The following CSNK2A2IP variants were observed in gnomAD, a reference collection of about 807,000 sequenced individuals.
The protein encoded by CSNK2A2IP is casein kinase 2 subunit alpha' interacting protein, also known as casein kinase II subunit alpha'-interacting protein.
At chr3:88,358,019 G>GTGT in the CSNK2A2IP span, among the ~76,000 whole-genome samples, 1 of 152,046 alleles carries the variant, frequency 6.6e-6, no homozygotes, top group Non-Finnish European at 1.5e-5. Flanking sequence ...CAGTCCATCA[G>GTGT]TGTTTTATAA....
At chr3:88,407,993 G>A in the CSNK2A2IP span, among the ~76,000 whole-genome samples, 4 of 152,000 alleles carry the variant, frequency 2.6e-5, no homozygotes, top group African/African-American at 9.7e-5. Context: ...AAAGTGCTAG[G>A]ATTACAGGCA....
the CSNK2A2IP span, among the ~76,000 whole-genome samples, chr3:88,358,928 T>C: frequency 8.5e-5 from 13 of 152,104 alleles, no homozygotes; most frequent in African/African-American, 2.6e-4. Flanking sequence ...CTTTAAACGT[T>C]GGTAGAATTC....
At chr3:88,430,776 G>GA in the CSNK2A2IP span, among the ~76,000 whole-genome samples, 130 of 150,508 alleles carry the variant, frequency 8.6e-4, 1 homozygote, top group East Asian at 8.5e-3. Flanking sequence ...AAACAACATG[G>GA]AAAAAAAAAC....
At chr3:88,404,172 G>T in the CSNK2A2IP span, among the ~76,000 whole-genome samples, 1 of 152,088 alleles carries the variant, frequency 6.6e-6, no homozygotes, top group Non-Finnish European at 1.5e-5. Flanking sequence ...ATAGTTTTGG[G>T]GAAGAAGCCC....
At chr3:88,434,571 T>C in the CSNK2A2IP span, among the ~76,000 whole-genome samples, 12 of 152,056 alleles carry the variant, frequency 7.9e-5, no homozygotes, top group Non-Finnish European at 1.6e-4. Flanking sequence ...CGACCAAGCA[T>C]CTTCTCTTAA....
the CSNK2A2IP span, among the ~76,000 whole-genome samples, chr3:88,417,367 T>C: frequency 6.6e-6 from 1 of 152,128 alleles, no homozygotes; most frequent in Non-Finnish European, 1.5e-5. Flanking sequence ...GGCAGGCATT[T>C]TAAAACCCAA....
chr3:88,420,222 C>G, the CSNK2A2IP span, among the ~76,000 whole-genome samples: 1 of 152,160 alleles, frequency 6.6e-6, no homozygotes, highest in Admixed American at 6.5e-5. Flanking sequence ...TAGGAACTAT[C>G]ATAGAGGTAT....
the CSNK2A2IP span, among the ~76,000 whole-genome samples, chr3:88,353,627 A>C: frequency 6.6e-6 from 1 of 152,182 alleles, no homozygotes; most frequent in Non-Finnish European, 1.5e-5. Context: ...AACTTAGCTT[A>C]TCTTGACGGA....
the CSNK2A2IP span, chr3:88,382,443 A>C: frequency 1.3e-5 from 2 of 152,238 alleles, no homozygotes; most frequent in Non-Finnish European, 2.9e-5. Context: ...TCAAGCACTG[A>C]GAATATTATG....
chr3:88,430,534 C>A, the CSNK2A2IP span, among the ~76,000 whole-genome samples: 1 of 151,368 alleles, frequency 6.6e-6, no homozygotes, highest in African/African-American at 2.4e-5. Context: ...ATAAATTGAT[C>A]AATTTGAGAA....
At chr3:88,362,893 G>A in the CSNK2A2IP span, among the ~76,000 whole-genome samples, 21 of 152,164 alleles carry the variant, frequency 1.4e-4, no homozygotes, top group Non-Finnish European at 2.6e-4. Flanking sequence ...TCTCTGCGCT[G>A]CACTACCTGG....
chr3:88,440,511 G>A, the CSNK2A2IP span, among the ~76,000 whole-genome samples: 26 of 152,102 alleles, frequency 1.7e-4, no homozygotes, highest in Admixed American at 1.6e-3. Context: ...AGTGGATATG[G>A]GAAAAGGATA....
chr3:88,360,485 G>A, the CSNK2A2IP span, among the ~76,000 whole-genome samples: 1 of 151,306 alleles, frequency 6.6e-6, no homozygotes, highest in Non-Finnish European at 1.5e-5. Context: ...AGTTACTTAT[G>A]CTCTTTTTTT....
At chr3:88,375,025 C>T in the CSNK2A2IP span, among the ~76,000 whole-genome samples, 1 of 151,582 alleles carries the variant, frequency 6.6e-6, no homozygotes, top group Non-Finnish European at 1.5e-5. Flanking sequence ...AAATTACCGG[C>T]AAGAAAGAAA....
the CSNK2A2IP span, among the ~76,000 whole-genome samples, chr3:88,405,970 C>A: frequency 6.6e-6 from 1 of 150,646 alleles, no homozygotes. Context: ...AAGTTTTTTT[C>A]ATCTAAAAAA....
At chr3:88,415,284 G>T in the CSNK2A2IP span, among the ~76,000 whole-genome samples, 7 of 151,956 alleles carry the variant, frequency 4.6e-5, no homozygotes, top group Admixed American at 3.9e-4. Context: ...CCAATGCAGA[G>T]TATTAAGGGA....
the CSNK2A2IP span, among the ~76,000 whole-genome samples, chr3:88,430,000 A>G: frequency 6.6e-6 from 1 of 151,096 alleles, no homozygotes; most frequent in African/African-American, 2.4e-5. Flanking sequence ...TGACCTCGTG[A>G]TCCTCCTCCC....
chr3:88,385,905 A>T, the CSNK2A2IP span, among the ~76,000 whole-genome samples: 1 of 152,230 alleles, frequency 6.6e-6, no homozygotes, highest in Non-Finnish European at 1.5e-5. Context: ...AGTCACATAA[A>T]TATAAAAGTC....
chr3:88,362,078 T>C, the CSNK2A2IP span, among the ~76,000 whole-genome samples: 1 of 152,278 alleles, frequency 6.6e-6, no homozygotes, highest in African/African-American at 2.4e-5. Flanking sequence ...CATATATCTC[T>C]GTCACTGAAG....
Sources: gnomAD v4.1 joint callset for allele counts (sites outside exome capture counted in the v4.1 genomes callset) on GRCh38, gnomAD v4.1.1 for gene constraint, MANE v1.5 for transcripts, NCBI Gene and HGNC (gene_info 2026-07-23, HGNC 2026-07-21) for gene names.